Variants in AHCTF1 observed in about 807,000 individuals in gnomAD.
AHCTF1 encodes the protein protein ELYS.
Under a neutral mutation model 248.4 loss-of-function variants are expected in AHCTF1, and 24 were observed. That is an observed-to-expected ratio of 0.10 (90% CI 0.07 to 0.14). The LOEUF is 0.14. AHCTF1 is among the 10% of genes least tolerant of loss of function. AHCTF1 has a pLI of 1.00. For missense variants in AHCTF1, 2,206 were observed against 2,636.2 expected (o/e 0.84, Z 3.57); for synonymous variants, 786 against 929.8 (o/e 0.85, Z 2.81).
chr1:246,909,111 T>TATCTATTTA (rs1195800928), intron 4 of AHCTF1, among the ~76,000 whole-genome samples: 8 of 99,710 alleles, frequency 8.0e-5, no homozygotes, highest in African/African-American at 1.7e-4. Context: ...ATCTATCTAT[T>TATCTATTTA]TATATATATA....
intron 15 of AHCTF1, among the ~76,000 whole-genome samples, chr1:246,891,420 C>A (rs1439418607): frequency 6.6e-6 from 1 of 152,082 alleles, no homozygotes; most frequent in Non-Finnish European, 1.5e-5. Context: ...TTGTTCAAAA[C>A]AGGCATTTAA....
At chr1:246,862,543 A>C (rs553974463) in intron 27 of AHCTF1, among the ~76,000 whole-genome samples, 1 of 152,310 alleles carries the variant, frequency 6.6e-6, no homozygotes. Flanking sequence ...TAGTGGTTAT[A>C]TTCTCATCTC....
intron 1 of AHCTF1, among the ~76,000 whole-genome samples, chr1:246,918,602 C>T (rs10924865): frequency 0.26 from 39,757 of 152,162 alleles, 5,367 homozygotes; most frequent in Admixed American, 0.31. Context: ...TTCGAGGCTG[C>T]GCCTCCAGTG....
chr1:246,909,190 T>A (rs1438598574), intron 4 of AHCTF1, among the ~76,000 whole-genome samples: 2 of 146,222 alleles, frequency 1.4e-5, no homozygotes, highest in Non-Finnish European at 3.0e-5. Flanking sequence ...GGCAGGCAGA[T>A]CATGAAGTCA....
chr1:246,898,823 C>A (rs1477021776), intron 11 of AHCTF1, among the ~76,000 whole-genome samples: 1 of 152,242 alleles, frequency 6.6e-6, no homozygotes, highest in African/African-American at 2.4e-5. Context: ...CACGGTGGCT[C>A]ACGCTCATAA....
chr1:246,897,642 T>C (rs968292124), intron 12 of AHCTF1, among the ~76,000 whole-genome samples: 1 of 152,100 alleles, frequency 6.6e-6, no homozygotes, highest in South Asian at 2.1e-4. Context: ...TGTAACACAA[T>C]ATGAAGTATA....
chr1:246,868,504 C>A (rs1412035253), intron 24 of AHCTF1, among the ~76,000 whole-genome samples: 1 of 151,952 alleles, frequency 6.6e-6, no homozygotes, highest in Non-Finnish European at 1.5e-5. Context: ...ATCCTCCCTC[C>A]TCGGCCTCTC....
chr1:246,883,845 A>T (rs998347020), intron 21 of AHCTF1, among the ~76,000 whole-genome samples: 1 of 152,198 alleles, frequency 6.6e-6, no homozygotes, highest in African/African-American at 2.4e-5. Flanking sequence ...ACTATTTATT[A>T]GTGTTTGTTT....
intron 13 of AHCTF1, among the ~76,000 whole-genome samples, chr1:246,895,473 A>G (rs1664509361): frequency 6.6e-6 from 1 of 152,216 alleles, no homozygotes; most frequent in Non-Finnish European, 1.5e-5. Flanking sequence ...ATGAATTCCT[A>G]GAGAATTTTG....
In AHCTF1 at chr1:246,839,363, A is replaced by G. The variant is rs1257064594; in HGVS notation, c.*1443T>C. 5.3e-6 allele frequency: 1 copy of G among 188,998 alleles called. No homozygotes were observed. The highest frequency in any genetic ancestry group is 2.4e-5 in the African/African-American group (1 of 42,006). 11.7% of individuals were successfully genotyped at this position (188,998 alleles called of 1,614,324 possible). A position where few individuals can be genotyped will look rare whatever the true frequency, so the allele number is the denominator to read the frequency against. ...TGCTACTTGCGCAAAGGAATTGTTT[A>G]CTGAATTATGTTTAGCTCTTTATTC... On this transcript the variant is annotated 3_prime_UTR_variant, in exon 36 of 36. Coordinates refer to ENST00000648844, the MANE Select transcript of AHCTF1 (RefSeq NM_001323342.2).
At position 246,916,935 on chromosome 1, in the gene AHCTF1, G is replaced by C. The variant is rs1666191118; in HGVS notation, c.122-540C>G. ...TTATTCTATCCCTAAAGAGTTCACA[G>C]TCCAATTAAGAAATTAAGACATAAC... On this transcript the variant is annotated intron_variant, in intron 2 of 35. Coordinates refer to ENST00000648844, the MANE Select transcript of AHCTF1 (RefSeq NM_001323342.2). Among the ~76,000 whole-genome samples the C allele has an allele frequency of 1.3e-5, 2 of 152,144 alleles. 1 individual carries two copies. Among genetic ancestry groups the C allele is most frequent in the African/African-American group, 4.8e-5 (2 of 41,420 alleles).
chr1:246,898,547 G>C (rs1038038595), intron 11 of AHCTF1, among the ~76,000 whole-genome samples: 2 of 151,684 alleles, frequency 1.3e-5, no homozygotes, highest in Non-Finnish European at 2.9e-5. Context: ...GCAAAAGGTA[G>C]CTTATATATT....
Position 246,839,399 on chromosome 1 carries a change from T to C in AHCTF1, c.*1407A>G, listed in dbSNP as rs1224185963. On this transcript the variant is annotated 3_prime_UTR_variant, in exon 36 of 36. Coordinates refer to ENST00000648844, the MANE Select transcript of AHCTF1 (RefSeq NM_001323342.2). ...TTTAGCTCTTTATTCATTTAACAAG[T>C]TCATTTAAATAAGTTCAATATTCCA... The C allele has an allele frequency of 3.5e-6, 1 of 282,176 alleles. No homozygotes were observed. Among genetic ancestry groups the C allele is most frequent in the Admixed American group, 6.5e-5 (1 of 15,418 alleles). The allele number at this position is 282,176 out of a possible 1,614,324, so 17.5% of individuals were successfully genotyped here.
At chr1:246,899,097 G>A (rs1664813627) in intron 11 of AHCTF1, among the ~76,000 whole-genome samples, 1 of 152,082 alleles carries the variant, frequency 6.6e-6, no homozygotes, top group African/African-American at 2.4e-5. Context: ...CTCAAAAAGA[G>A]AAAAGTATTT....
At chr1:246,905,271 G>A (rs905049764) in intron 6 of AHCTF1, among the ~76,000 whole-genome samples, 6 of 152,072 alleles carry the variant, frequency 3.9e-5, no homozygotes, top group Admixed American at 6.6e-5. Context: ...AGGCTGAGGC[G>A]GGCAGATCAT....
At chr1:246,901,025 G>A (rs1163311802) in intron 8 of AHCTF1, among the ~76,000 whole-genome samples, 1 of 152,144 alleles carries the variant, frequency 6.6e-6, no homozygotes, top group Non-Finnish European at 1.5e-5. Flanking sequence ...CTACTATAAG[G>A]AAATAGGAAG....
At chr1:246,867,138 T>C in intron 26 of AHCTF1, 106 bp downstream of exon 26, 1 of 626,812 alleles carries the variant, frequency 1.6e-6, no homozygotes, top group Non-Finnish European at 2.6e-6. Flanking sequence ...ATTAAAATAT[T>C]CATTTAATAA....
intron 29 of AHCTF1, among the ~76,000 whole-genome samples, chr1:246,860,642 C>A (rs1241305310): frequency 4.6e-5 from 7 of 152,140 alleles, no homozygotes; most frequent in African/African-American, 1.7e-4. Flanking sequence ...TTTCAAACTT[C>A]TGAACACTCC....
chr1:246,860,199 C>T (rs1661431967), intron 29 of AHCTF1, among the ~76,000 whole-genome samples: 2 of 143,124 alleles, frequency 1.4e-5, no homozygotes, highest in Admixed American at 1.4e-4. Context: ...GGGGGGGGGG[C>T]GGAGGTTGCA....
Sources: gnomAD v4.1 joint callset for allele counts (sites outside exome capture counted in the v4.1 genomes callset) on GRCh38, gnomAD v4.1.1 for gene constraint, MANE v1.5 for transcripts, NCBI Gene and HGNC (gene_info 2026-07-23, HGNC 2026-07-21) for gene names.